The following DDX31 variants were observed in gnomAD, a reference collection of about 807,000 sequenced individuals.
DDX31 encodes the protein DEAD-box helicase 31.
In DDX31, 70 loss-of-function variants were observed where a neutral mutation model predicts 91.3. That is an observed-to-expected ratio of 0.77 (90% CI 0.63 to 0.94). The LOEUF (loss-of-function observed/expected upper bound fraction) is 0.94, where lower values mean the gene tolerates loss of function less well. DDX31 is among the 40% of genes least tolerant of loss of function. The probability of loss-of-function intolerance (pLI) is 0.00; values close to 1 mark genes in which losing one functional copy is unlikely to be tolerated. For missense variants in DDX31, 902 were observed against 925.0 expected (o/e 0.98, Z 0.32); for synonymous variants, 362 against 350.6 (o/e 1.03, Z -0.36).
intron 14 of DDX31, 74 bp downstream of exon 14, chr9:132,641,930 G>C: frequency 2.0e-6 from 3 of 1,507,260 alleles, no homozygotes; most frequent in Non-Finnish European, 2.8e-6. Flanking sequence ...AGGACAAACT[G>C]TCAAGAGACG....
chr9:132,652,489 T>C lies in DDX31; in HGVS notation c.592A>G (p.Ser198Gly), dbSNP rs779567731. The change falls in exon 7 of 20, where the codon AGT becomes GGT. Residue 198 changes from serine to glycine, a missense_variant. Physicochemically the swap from Ser to Gly is moderately conservative, Grantham distance 56 (BLOSUM62 0). Coordinates refer to ENST00000372159, the MANE Select transcript of DDX31 (RefSeq NM_022779.9). ...LQAMESKIQR[S>G]DGPYALVLVP... is the part of the protein sequence containing the mutation. ...AGCACCAGGGCATAGGGGCCATCAC[T>C]GCGCTGTTGACACACAGAAAAAAAA... The C allele has an allele frequency of 1.9e-6, 3 of 1,613,958 alleles. No individual in the cohort carries two copies. Among genetic ancestry groups the C allele is most frequent in the South Asian group, 1.1e-5 (1 of 91,078 alleles).
intron 13 of DDX31, among the ~76,000 whole-genome samples, chr9:132,643,800 T>G (rs1371908644): frequency 6.6e-6 from 1 of 152,142 alleles, no homozygotes; most frequent in Non-Finnish European, 1.5e-5. Flanking sequence ...CTGCACGGTC[T>G]TTATAAACGA....
intron 1 of DDX31, among the ~76,000 whole-genome samples, chr9:132,667,904 T>C (rs1305264486): frequency 6.6e-6 from 1 of 152,220 alleles, no homozygotes; most frequent in African/African-American, 2.4e-5. Context: ...ACTATCTCAA[T>C]GAATCCTTAC....
At chr9:132,633,565 A>G (rs922328946) in intron 14 of DDX31, among the ~76,000 whole-genome samples, 3 of 152,038 alleles carry the variant, frequency 2.0e-5, no homozygotes, top group Admixed American at 6.6e-5. Context: ...GGATATGGAG[A>G]CTCTAGGATA....
chr9:132,653,904 A>C (rs1204095299), intron 6 of DDX31, among the ~76,000 whole-genome samples: 1 of 152,178 alleles, frequency 6.6e-6, no homozygotes, highest in Non-Finnish European at 1.5e-5. Context: ...AAATAATTTA[A>C]AGCTACAGCA....
chr9:132,614,704 G>C (rs1178908351), intron 18 of DDX31, among the ~76,000 whole-genome samples: 4 of 152,140 alleles, frequency 2.6e-5, no homozygotes, highest in African/African-American at 9.7e-5. Context: ...TGAGCACTGA[G>C]AGCATCTGTC....
chr9:132,642,837 T>TC (rs1239321194), intron 13 of DDX31, among the ~76,000 whole-genome samples: 1 of 151,380 alleles, frequency 6.6e-6, no homozygotes, highest in East Asian at 1.9e-4. Context: ...GTCTCTGATT[T>TC]TTTTTTTTTT....
At chr9:132,665,676 G>A (rs1473894027) in intron 1 of DDX31, among the ~76,000 whole-genome samples, 1 of 152,066 alleles carries the variant, frequency 6.6e-6, no homozygotes, top group Non-Finnish European at 1.5e-5. Context: ...TAAAATGAGG[G>A]GATTTTGGCA....
At chr9:132,597,688 C>T (rs761148091) in intron 19 of DDX31, among the ~76,000 whole-genome samples, 5 of 152,276 alleles carry the variant, frequency 3.3e-5, no homozygotes, top group African/African-American at 1.2e-4. Context: ...GCAGTGCGCC[C>T]GTGCTCCCAG....
chr9:132,645,643 T>C (rs896796258), intron 13 of DDX31, among the ~76,000 whole-genome samples: 1 of 152,036 alleles, frequency 6.6e-6, no homozygotes, highest in Non-Finnish European at 1.5e-5. Context: ...CTCTCTCGGG[T>C]GGAAGAGACC....
intron 17 of DDX31, among the ~76,000 whole-genome samples, chr9:132,624,849 C>T (rs1832299686): frequency 6.6e-6 from 1 of 152,224 alleles, no homozygotes; most frequent in Non-Finnish European, 1.5e-5. Flanking sequence ...GGGTCCCTCC[C>T]TGCTCAGGGA....
intron 2 of DDX31, 51 bp downstream of exon 2, chr9:132,662,388 A>G (rs1261616927): frequency 3.1e-6 from 5 of 1,613,850 alleles, no homozygotes; most frequent in Non-Finnish European, 3.4e-6. Context: ...TAACAAAGAA[A>G]AGGCAGAACA....
chr9:132,601,870 GT>G (rs1830741328), intron 19 of DDX31, among the ~76,000 whole-genome samples: 1 of 152,140 alleles, frequency 6.6e-6, no homozygotes, highest in Non-Finnish European at 1.5e-5. Flanking sequence ...TAAGTCCCAC[GT>G]TATTCACTTA....
chr9:132,624,271 T>C (rs1832254969), intron 17 of DDX31, among the ~76,000 whole-genome samples: 1 of 150,476 alleles, frequency 6.6e-6, no homozygotes, highest in Non-Finnish European at 1.5e-5. Context: ...CCAATGAAGA[T>C]CTGTCTGGTC....
intron 15 of DDX31, among the ~76,000 whole-genome samples, chr9:132,631,633 A>G (rs1182343059): frequency 1.3e-5 from 2 of 152,220 alleles, no homozygotes; most frequent in Non-Finnish European, 2.9e-5. Context: ...TATGTGTAAG[A>G]TGCTGTCAGG....
chr9:132,644,599 G>A (rs1321926766), intron 13 of DDX31, among the ~76,000 whole-genome samples: 3 of 152,180 alleles, frequency 2.0e-5, no homozygotes, highest in African/African-American at 7.2e-5. Flanking sequence ...GTATAATGAA[G>A]CTATAGACTC....
chr9:132,650,358 G>T, intron 8 of DDX31, 60 bp from the exon 9 acceptor site: 2 of 1,512,048 alleles, frequency 1.3e-6, no homozygotes, highest in South Asian at 1.1e-5. Context: ...ATCAGACATT[G>T]ATTCCAAATT....
rs1834745323 is a variant in DDX31 at position 132,658,739 on chromosome 9, T to C, written c.524-4A>G. On this transcript the variant is annotated splice_region_variant and splice_polypyrimidine_tract_variant and intron_variant, in intron 5 of 19. Transcript: ENST00000372159. ...ATGCAATAGGCAAGAGTTTTACCTT[T>C]CAAAAAAAAAGCAGAAGCAATTAAA... The C allele has an allele frequency of 6.2e-7, 1 of 1,611,330 alleles. No homozygotes were observed. The highest frequency in any genetic ancestry group is 1.1e-5 in the South Asian group (1 of 90,540).
Position 132,618,454 on chromosome 9 carries a change from C to T in DDX31, c.1714-13G>A, listed in dbSNP as rs771915106. ...CAGCATGGGATTTCTGAGAGGGCGA[C>T]GGAAGGATTAAAGGAGAGATAGAGT... On this transcript the variant is annotated splice_polypyrimidine_tract_variant and intron_variant, in intron 17 of 19. Coordinates refer to ENST00000372159, the MANE Select transcript of DDX31 (RefSeq NM_022779.9). The T allele has an allele frequency of 6.2e-5, 100 of 1,601,830 alleles. No homozygotes were observed. In the South Asian group the frequency reaches 6.6e-4, roughly 11 times the overall value.
Sources: allele counts gnomAD v4.1 joint callset (sites outside exome capture counted in the v4.1 genomes callset), GRCh38; gene constraint gnomAD v4.1.1; transcripts MANE v1.5; gene names NCBI Gene and HGNC (gene_info 2026-07-23, HGNC 2026-07-21).